The following KIF3C variants were observed in gnomAD, a reference collection of about 807,000 sequenced individuals.
The protein encoded by KIF3C is kinesin-like protein KIF3C.
Under a neutral mutation model 67.7 loss-of-function variants are expected in KIF3C, and 12 were observed. The observed-to-expected ratio is 0.18, with a 90% confidence interval of 0.11 to 0.29. The LOEUF (loss-of-function observed/expected upper bound fraction) is 0.29. Among genes scored for constraint, KIF3C ranks in the 10% least tolerant of loss-of-function variants. The pLI is 1.00. For synonymous variants in KIF3C, 393 were observed against 426.2 expected, an observed-to-expected ratio of 0.92 and a Z score of 0.96; for missense variants, 789 against 1,059.6, an observed-to-expected ratio of 0.74 and a Z score of 3.55.
intron 5 of KIF3C, among the ~76,000 whole-genome samples, chr2:25,942,679 G>T (rs1039846559): frequency 6.6e-5 from 10 of 152,102 alleles, no homozygotes; most frequent in Admixed American, 1.3e-4. Flanking sequence ...CAAAGTGCTG[G>T]GATTACAGGC....
chr2:25,927,250 T>C lies in KIF3C; in HGVS notation c.*1728A>G, dbSNP rs1429332814. ...TGTCCACAAACGAGAAAGAGGTCAG[T>C]GGGAGAGGCTGCTCAACGCAGCCCT... On this transcript the variant is annotated 3_prime_UTR_variant, in exon 8 of 8. Coordinates refer to ENST00000264712, the MANE Select transcript of KIF3C (RefSeq NM_002254.8). The C allele has an allele frequency of 6.6e-6, 1 of 152,600 alleles. No homozygotes were observed. Among genetic ancestry groups the C allele is most frequent in the South Asian group, 2.1e-4 (1 of 4,826 alleles). The allele number at this position is 152,600 out of a possible 1,614,324, so 9.5% of individuals were successfully genotyped here.
intron 1 of KIF3C, among the ~76,000 whole-genome samples, chr2:25,970,406 G>A (rs1157686268): frequency 6.6e-6 from 1 of 152,038 alleles, no homozygotes; most frequent in African/African-American, 2.4e-5. Context: ...GGTGGCTCAC[G>A]CCTATAATCC....
In KIF3C at chr2:25,981,185, C is replaced by T. The variant is rs932627936; in HGVS notation, c.733G>A (p.Val245Met). The T allele has an allele frequency of 1.2e-6, 2 of 1,614,104 alleles. No individual in the cohort carries two copies. The highest frequency in any genetic ancestry group is 1.7e-6 in the Non-Finnish European group (2 of 1,180,028). ...TGCCTCTCGCTGCCAGCCAGGTCCA[C>T]GAGGTTGAGCTTGCCCACTCGGATG... ...DHIRVGKLNL[V>M]DLAGSERQNK... Residue 245 changes from valine to methionine, a missense_variant, in exon 1 of 8, where the codon GTG becomes ATG. Val to Met is a conservative substitution (Grantham distance 21). Transcript: ENST00000264712. This position sits in a 1 kb window ranked among gnomAD's most constrained non-coding sequence, Gnocchi z 8.2.
intron 1 of KIF3C, among the ~76,000 whole-genome samples, chr2:25,967,458 C>A (rs1664172879): frequency 1.3e-5 from 2 of 152,310 alleles, no homozygotes; most frequent in South Asian, 4.1e-4. Context: ...TGGACTTCCA[C>A]TTTCTCATCT....
At chr2:25,979,542 G>T (rs1306005276) in intron 1 of KIF3C, among the ~76,000 whole-genome samples, 1 of 152,150 alleles carries the variant, frequency 6.6e-6, no homozygotes, top group African/African-American at 2.4e-5. Flanking sequence ...CTTACACAAG[G>T]CCACTCAATG....
Position 25,980,889 on chromosome 2 carries a change from C to T in KIF3C, c.1029G>A (p.Gly343=). The change falls in exon 1 of 8, where the codon GGG becomes GGA. Residue 343 remains glycine (G), a synonymous_variant. Transcript: ENST00000264712. The surrounding 1 kb of genome is among the most constrained non-coding windows in gnomAD (Gnocchi z 7.6). ...TCTCATCGTAGCTGTGAGAAGCTGG[C>T]CCCAGTGTGGCTACCATGATGGTCT... ...NAKTIMVATL[G]PASHSYDESL... 1 of 1,614,210 alleles carries T rather than the reference C, an allele frequency of 6.2e-7. No individual in the cohort carries two copies. The highest frequency in any genetic ancestry group is 8.5e-7 in the Non-Finnish European group (1 of 1,180,020).
chr2:25,946,839 C>A (rs772302117), intron 5 of KIF3C, among the ~76,000 whole-genome samples: 1 of 148,212 alleles, frequency 6.7e-6, no homozygotes, highest in Admixed American at 6.7e-5. Flanking sequence ...GGGGACAGAG[C>A]GAGACTCCAT....
intron 5 of KIF3C, among the ~76,000 whole-genome samples, chr2:25,946,400 T>TA (rs1425257739): frequency 6.7e-6 from 1 of 149,352 alleles, no homozygotes; most frequent in Non-Finnish European, 1.5e-5. Context: ...ACTAAAAATA[T>TA]AAAAATTAGG....
In KIF3C at chr2:25,963,400, G is replaced by T. The variant is rs915922426; in HGVS notation, c.1546-6956C>A. 4.7e-5 allele frequency among the ~76,000 whole-genome samples: 7 copies of T among 147,956 alleles called. 1 individual carries two copies. The highest frequency in any genetic ancestry group is 4.1e-4 in the Admixed American group (6 of 14,608). ...TTTTGTATTTTATTGTAGAGACAGG[G>T]TTTTGCCATGTTGCCCAGGCTGGCT... is the stretch of plus-strand genomic sequence containing the variant. On this transcript the variant is annotated intron_variant, in intron 1 of 7. Transcript: ENST00000264712.
chr2:25,965,470 T>G lies in KIF3C; in HGVS notation c.1546-9026A>C, dbSNP rs113890190. Among the ~76,000 whole-genome samples the G allele has an allele frequency of 1.3e-3, 200 of 152,218 alleles. 1 individual carries two copies. Among genetic ancestry groups the G allele is most frequent in the African/African-American group, 4.5e-3 (185 of 41,544 alleles). ...CATCTCCTCCTTTCTCTCAGAGATCTTGAGCCTTTTCTTTTCTTTTGAGAC... is the reference window on the plus strand; with the variant it reads ...CATCTCCTCCTTTCTCTCAGAGATCGTGAGCCTTTTCTTTTCTTTTGAGAC... On this transcript the variant is annotated intron_variant, in intron 1 of 7. Coordinates refer to ENST00000264712, the MANE Select transcript of KIF3C (RefSeq NM_002254.8).
intron 1 of KIF3C, among the ~76,000 whole-genome samples, chr2:25,962,880 A>C (rs1276482999): frequency 1.3e-4 from 8 of 62,264 alleles, no homozygotes; most frequent in Non-Finnish European, 1.7e-4. Context: ...TAATATATAA[A>C]ATATATATAA....
At chr2:25,936,089 AAAAAAAAAAC>A (rs1398472941) in intron 5 of KIF3C, among the ~76,000 whole-genome samples, 80 of 148,286 alleles carry the variant, frequency 5.4e-4, no homozygotes, top group African/African-American at 1.9e-3. Flanking sequence ...TCAGTCTCAA[AAAAAAAAAAC>A]AAAACAAAAC....
chr2:25,949,832 G>A (rs143663183), intron 5 of KIF3C, among the ~76,000 whole-genome samples: 10 of 150,916 alleles, frequency 6.6e-5, no homozygotes, highest in East Asian at 4.1e-4. Context: ...TTAGCCAGGC[G>A]TGGTAGCATG....
chr2:25,946,592 G>T (rs1663443386), intron 5 of KIF3C, among the ~76,000 whole-genome samples: 1 of 152,200 alleles, frequency 6.6e-6, no homozygotes, highest in African/African-American at 2.4e-5. Flanking sequence ...GGAGGCTGAG[G>T]CAGTAGAATC....
intron 1 of KIF3C, among the ~76,000 whole-genome samples, chr2:25,964,708 T>C (rs906419461): frequency 1.3e-5 from 2 of 152,168 alleles, no homozygotes; most frequent in Non-Finnish European, 2.9e-5. Flanking sequence ...AGCCTCCACC[T>C]TCCCCAGCTA....
At position 25,980,729 on chromosome 2, in the gene KIF3C, T is replaced by C. The variant is rs993120363; in HGVS notation, c.1189A>G (p.Arg397Gly). ...IARLKAQLEKRGMLGKRPRRK... is the reference protein window; with the variant it reads ...IARLKAQLEKGGMLGKRPRRK... ...CGGGGCCGCTTCCCCAGCATCCCCCTCTTCTCCAGCTGGGCCTTCAGGCGG... is the reference window on the plus strand; with the variant it reads ...CGGGGCCGCTTCCCCAGCATCCCCCCCTTCTCCAGCTGGGCCTTCAGGCGG... Residue 397 changes from arginine (R) to glycine (G), a missense_variant, in exon 1 of 8, where the codon AGG (arginine) becomes GGG (glycine). Arg to Gly is a moderately radical substitution (Grantham distance 125, BLOSUM62 -2). This residue lies in a region of KIF3C where 648 missense variants were observed against 807.8 expected (regional missense o/e 0.80). Coordinates refer to ENST00000264712, the MANE Select transcript of KIF3C (RefSeq NM_002254.8). This position sits in a 1 kb window ranked among gnomAD's most constrained non-coding sequence, Gnocchi z 7.6. 1 of 1,614,088 alleles carries C rather than the reference T, an allele frequency of 6.2e-7. No individual in the cohort carries two copies. Among genetic ancestry groups the C allele is most frequent in the Non-Finnish European group, 8.5e-7 (1 of 1,179,966 alleles).
At chr2:25,947,027 C>T (rs1203471708) in intron 5 of KIF3C, among the ~76,000 whole-genome samples, 2 of 151,650 alleles carry the variant, frequency 1.3e-5, no homozygotes, top group African/African-American at 2.4e-5. Context: ...TGGTAGTGGG[C>T]GCCTGTAATC....
At chr2:25,939,389 T>C (rs533103609) in intron 5 of KIF3C, among the ~76,000 whole-genome samples, 82 of 152,306 alleles carry the variant, frequency 5.4e-4, no homozygotes, top group African/African-American at 1.9e-3. Flanking sequence ...TTTCTCCTGG[T>C]AGGCCATCTG....
At chr2:25,947,032 G>A (rs1442651400) in intron 5 of KIF3C, among the ~76,000 whole-genome samples, 2 of 152,060 alleles carry the variant, frequency 1.3e-5, no homozygotes, top group South Asian at 2.1e-4. Flanking sequence ...GTGGGCGCCT[G>A]TAATCCCAGC....
Sources: allele counts gnomAD v4.1 joint callset (sites outside exome capture counted in the v4.1 genomes callset), GRCh38; gene constraint gnomAD v4.1.1; regional missense constraint gnomAD v4.1.1; non-coding constraint Gnocchi (gnomAD v3.1); transcripts MANE v1.5; gene names NCBI Gene and HGNC (gene_info 2026-07-23, HGNC 2026-07-21).